The following NINL variants were observed in gnomAD, a reference collection of about 807,000 sequenced individuals.
NINL encodes the protein ninein-like protein.
A neutral mutation model predicts 160.3 loss-of-function variants in NINL; 153 were observed. The observed-to-expected ratio is 0.95, with a 90% CI of 0.84 to 1.09. NINL has a LOEUF of 1.09. Ranked by LOEUF, NINL falls within the 50% of genes least tolerant of loss-of-function variation. The pLI is 0.00. For synonymous variants in NINL, 800 were observed against 734.8 expected (o/e 1.09, Z -1.43); for missense variants, 1,829 against 1,764.0 (o/e 1.04, Z -0.66).
At position 25,455,757 on chromosome 20, in the gene NINL, T is replaced by C. The variant is rs1287883534; in HGVS notation, c.3873A>G (p.Thr1291=). The change falls in exon 23 of 24, where the codon ACA becomes ACG. Residue 1291 remains threonine, a synonymous_variant. Transcript: ENST00000278886. ...TCTCCGCCTCTTCCACCCGCTCTTC[T>C]GTGGCTTTCAGCTGTTTCTCATGTT... ...REEHEKQLKA[T]EERVEEAEMI... 6.2e-6 allele frequency: 10 copies of C among 1,614,168 alleles called. No individual in the cohort carries two copies. Among genetic ancestry groups the C allele is most frequent in the Non-Finnish European group, 8.5e-6 (10 of 1,179,988 alleles).
intron 19 of NINL, among the ~76,000 whole-genome samples, chr20:25,464,216 A>C (rs1311223998): frequency 6.6e-6 from 1 of 152,222 alleles, no homozygotes; most frequent in Non-Finnish European, 1.5e-5. Flanking sequence ...CAGGAGTTTG[A>C]GACCAGCCTG....
intron 1 of NINL, among the ~76,000 whole-genome samples, chr20:25,554,636 C>CAAAAAAAAAAA (rs747557892): frequency 3.4e-4 from 29 of 85,788 alleles, no homozygotes; most frequent in Non-Finnish European, 4.8e-4. Context: ...AAAAAAAAAA[C>CAAAAAAAAAAA]AAAAAAAAAA....
chr20:25,468,652 A>G (rs1392779312), intron 18 of NINL, among the ~76,000 whole-genome samples: 1 of 103,304 alleles, frequency 9.7e-6, no homozygotes, highest in Non-Finnish European at 1.9e-5. Context: ...CTGTCCCCCA[A>G]TTCTCACTGG....
chr20:25,457,094 G>C (rs2090705078), intron 22 of NINL, among the ~76,000 whole-genome samples: 1 of 152,120 alleles, frequency 6.6e-6, no homozygotes, highest in South Asian at 2.1e-4. Flanking sequence ...GGGAGACCGA[G>C]GCGGGTGGAT....
At position 25,455,772 on chromosome 20, in the gene NINL, T is replaced by G. The variant is rs1370146713; in HGVS notation, c.3858A>C (p.Lys1286Asn). Residue 1286 changes from lysine (K) to asparagine (N), a missense_variant, in exon 23 of 24, where the codon AAA becomes AAC. Lys to Asn is a moderately conservative substitution (Grantham distance 94). Transcript: ENST00000278886. ...CCCGCTCTTCTGTGGCTTTCAGCTG[T>G]TTCTCATGTTCTTCCTGCCATAAAA... The part of the protein sequence containing the change: ...RLDAQREEHE[K>N]QLKATEERVE... 2 of 1,613,980 alleles carry G rather than the reference T, an allele frequency of 1.2e-6. No individual in the cohort carries two copies. Among genetic ancestry groups the G allele is most frequent in the South Asian group, 2.2e-5 (2 of 91,086 alleles).
chr20:25,464,568 C>T (rs572229088), intron 19 of NINL, among the ~76,000 whole-genome samples: 1 of 152,350 alleles, frequency 6.6e-6, no homozygotes, highest in Admixed American at 6.5e-5. Context: ...CCCCAATCTG[C>T]TTTGCCCCCT....
At chr20:25,465,399 TC>T (rs1185147186) in intron 19 of NINL, among the ~76,000 whole-genome samples, 1 of 152,010 alleles carries the variant, frequency 6.6e-6, no homozygotes, top group African/African-American at 2.4e-5. Context: ...CAGAGAAGCC[TC>T]CCCCGCGGCT....
chr20:25,496,564 C>G (rs2063756927), intron 10 of NINL, 99 bp downstream of exon 10: 3 of 1,440,874 alleles, frequency 2.1e-6, no homozygotes, highest in Admixed American at 2.0e-5. Context: ...CTGAGCCACA[C>G]CCGCAGCTCT....
At chr20:25,514,830 G>A (rs2064133560) in intron 3 of NINL, among the ~76,000 whole-genome samples, 1 of 152,252 alleles carries the variant, frequency 6.6e-6, no homozygotes, top group African/African-American at 2.4e-5. Flanking sequence ...AAGCCTTGGT[G>A]ACTACCATGT....
rs761061367 is a variant in NINL at position 25,479,210 on chromosome 20, A to C, written c.1918-4T>G. 9 of 1,598,872 alleles carry C rather than the reference A, an allele frequency of 5.6e-6. No individual in the cohort carries two copies. Among genetic ancestry groups the C allele is most frequent in the African/African-American group, 1.3e-5 (1 of 74,386 alleles). On this transcript the variant is annotated splice_polypyrimidine_tract_variant and splice_region_variant and intron_variant, in intron 15 of 23. Transcript: ENST00000278886. ...TTTCCCTTTCGTAGTAATTTACCTA[A>C]AACGAGAAACATGAGCCCCGTGGAC...
intron 9 of NINL, 31 bp downstream of exon 9, chr20:25,498,177 TGC>T: frequency 2.5e-6 from 4 of 1,609,104 alleles, no homozygotes; most frequent in Non-Finnish European, 3.4e-6. Flanking sequence ...CCAGCCACAC[TGC>T]CACGTTCCCC....
At chr20:25,516,020 C>T (rs938462247) in intron 3 of NINL, among the ~76,000 whole-genome samples, 3 of 152,032 alleles carry the variant, frequency 2.0e-5, no homozygotes, top group South Asian at 2.1e-4. Context: ...GTGATCTGCC[C>T]GCCTCAGCCT....
intron 23 of NINL, among the ~76,000 whole-genome samples, chr20:25,454,295 G>A (rs927700027): frequency 5.9e-5 from 9 of 152,322 alleles, no homozygotes; most frequent in Middle Eastern, 3.4e-3. Context: ...GCAAGGCCAG[G>A]AGCCAAGAGA....
intron 2 of NINL, among the ~76,000 whole-genome samples, chr20:25,525,576 T>A (rs976649422): frequency 1.3e-5 from 2 of 152,084 alleles, no homozygotes; most frequent in South Asian, 4.1e-4. Context: ...ATTGCTTGAG[T>A]CTGGGAGTTG....
chr20:25,505,206 G>T, intron 5 of NINL, 128 bp from the exon 6 acceptor site: 2 of 825,486 alleles, frequency 2.4e-6, no homozygotes, highest in Non-Finnish European at 3.6e-6. Flanking sequence ...TACGCTAAGT[G>T]AAATTAGCAG....
intron 14 of NINL, among the ~76,000 whole-genome samples, chr20:25,480,628 G>A (rs2063367741): frequency 6.6e-6 from 1 of 152,200 alleles, no homozygotes; most frequent in Non-Finnish European, 1.5e-5. Context: ...GCCCGGTGGT[G>A]CAGAGCTTTA....
intron 10 of NINL, among the ~76,000 whole-genome samples, chr20:25,495,783 CTT>C (rs2146734630): frequency 6.6e-6 from 1 of 152,358 alleles, no homozygotes; most frequent in African/African-American, 2.4e-5. Flanking sequence ...GGGACACCCT[CTT>C]GGGCGGAATT....
chr20:25,503,875 G>A, intron 7 of NINL, 77 bp downstream of exon 7: 1 of 1,551,718 alleles, frequency 6.4e-7, no homozygotes, highest in Non-Finnish European at 8.9e-7. Context: ...CACAGGCAGG[G>A]AGGGAGTCAG....
chr20:25,561,816 G>A (rs1364950449), intron 1 of NINL, among the ~76,000 whole-genome samples: 15 of 151,944 alleles, frequency 9.9e-5, no homozygotes, highest in Non-Finnish European at 1.8e-4. Flanking sequence ...CATCTGAGAA[G>A]TGAGGAGCCC....
Sources: allele counts gnomAD v4.1 joint callset (sites outside exome capture counted in the v4.1 genomes callset), GRCh38; gene constraint gnomAD v4.1.1; transcripts MANE v1.5; gene names NCBI Gene and HGNC (gene_info 2026-07-23, HGNC 2026-07-21).